The following NFASC variants were observed in gnomAD, a reference collection of about 807,000 sequenced individuals.
NFASC encodes neurofascin homolog.
A neutral mutation model predicts 147.5 loss-of-function variants in NFASC; 43 were observed. The ratio of observed to expected loss-of-function variants is 0.29; its 90% confidence interval spans 0.23 to 0.38. NFASC has a LOEUF of 0.38. NFASC is among the 10% of genes least tolerant of loss of function. NFASC has a pLI of 1.00. For synonymous variants in NFASC, 622 were observed against 665.5 expected (o/e 0.93, Z 1.01); for missense variants, 1,320 against 1,689.0 (o/e 0.78, Z 3.83).
chr1:204,855,035 A>G (rs2076030494), intron 1 of NFASC, among the ~76,000 whole-genome samples: 1 of 152,188 alleles, frequency 6.6e-6, no homozygotes, highest in Non-Finnish European at 1.5e-5. Context: ...CAGCACTGCA[A>G]GGTACTCTTG....
chr1:204,886,201 A>C (rs2081286783), intron 1 of NFASC, among the ~76,000 whole-genome samples: 1 of 152,140 alleles, frequency 6.6e-6, no homozygotes, highest in Admixed American at 6.5e-5. Context: ...GTTCCAAATA[A>C]AGTTTCAAAA....
chr1:204,916,907 T>TA (rs1196990081), intron 1 of NFASC, among the ~76,000 whole-genome samples: 1 of 151,986 alleles, frequency 6.6e-6, no homozygotes, highest in Non-Finnish European at 1.5e-5. Context: ...TCCTCAGGTG[T>TA]AAAATGGGGA....
chr1:204,851,634 A>C (rs2075708607), intron 1 of NFASC, among the ~76,000 whole-genome samples: 1 of 152,076 alleles, frequency 6.6e-6, no homozygotes, highest in Admixed American at 6.6e-5. Flanking sequence ...CACCAGGTCA[A>C]ATCATGCTTT....
chr1:204,856,347 T>C (rs1414829391), intron 1 of NFASC, among the ~76,000 whole-genome samples: 1 of 147,060 alleles, frequency 6.8e-6, no homozygotes, highest in Non-Finnish European at 1.5e-5. Flanking sequence ...TCTGATGGAG[T>C]TGGTCACAAA....
intron 15 of NFASC, among the ~76,000 whole-genome samples, chr1:204,976,229 G>A (rs2150371078): frequency 6.6e-6 from 1 of 152,264 alleles, no homozygotes; most frequent in East Asian, 1.9e-4. Flanking sequence ...ACAGTTCCCA[G>A]GAGCCTGGGG....
chr1:204,916,445 C>T (rs972205578), intron 1 of NFASC, among the ~76,000 whole-genome samples: 6 of 152,240 alleles, frequency 3.9e-5, no homozygotes, highest in African/African-American at 1.2e-4. Flanking sequence ...CCTCAAATCA[C>T]AGCCCTCATT....
chr1:204,963,054 G>C (rs1558270553), intron 8 of NFASC, among the ~76,000 whole-genome samples: 1 of 152,164 alleles, frequency 6.6e-6, no homozygotes, highest in Non-Finnish European at 1.5e-5. Context: ...TGAGGCTGCA[G>C]GTCCTCAAGG....
rs1203232896 is a variant in NFASC, at chr1:205,022,813, T to C, written c.*6274T>C. The C allele has an allele frequency of 6.6e-6, 1 of 152,632 alleles. No homozygotes were observed. The highest frequency in any genetic ancestry group is 1.5e-5 in the Non-Finnish European group (1 of 68,040). The allele number at this position is 152,632 out of a possible 1,614,324, so 9.5% of individuals were successfully genotyped here. ...ACACTAAACGTATAATAAAAGTTGT[T>C]CAAAATGGACTCTTGCCATGTGATT... On this transcript the variant is annotated 3_prime_UTR_variant, in exon 30 of 30. Transcript: ENST00000339876.
At chr1:204,915,376 TA>T (rs1432110776) in intron 1 of NFASC, among the ~76,000 whole-genome samples, 1 of 152,054 alleles carries the variant, frequency 6.6e-6, no homozygotes, top group African/African-American at 2.4e-5. Context: ...AAAAGCAAGG[TA>T]GGGGAAAATA....
rs186678948 is a variant in NFASC at position 204,887,954 on chromosome 1, T to C, written c.-199-32678T>C. On this transcript the variant is annotated intron_variant, in intron 1 of 29. Coordinates refer to ENST00000339876, the MANE Select transcript of NFASC (RefSeq NM_001005388.3). ...GCTGGAAATACAGCTCTGTTCTTAA[T>C]AAATTGGTGGGTAAACAGAGCCTGA... 7.5e-4 allele frequency among the ~76,000 whole-genome samples: 114 copies of C among 152,248 alleles called. 1 individual carries two copies. The highest frequency in any genetic ancestry group is 4.1e-3 in the South Asian group (20 of 4,828).
chr1:204,951,315 A>ATT (rs33974199), intron 4 of NFASC, among the ~76,000 whole-genome samples: 1 of 118,810 alleles, frequency 8.4e-6, no homozygotes, highest in Non-Finnish European at 1.7e-5. Context: ...TGCCCGGCTA[A>ATT]TTTTTTTTTT....
chr1:204,862,070 C>G (rs1190376121), intron 1 of NFASC, among the ~76,000 whole-genome samples: 2 of 152,160 alleles, frequency 1.3e-5, no homozygotes, highest in African/African-American at 4.8e-5. Flanking sequence ...CATATTTGTT[C>G]CTATAATGAA....
chr1:204,851,121 G>A (rs1572033385), intron 1 of NFASC, among the ~76,000 whole-genome samples: 1 of 152,244 alleles, frequency 6.6e-6, no homozygotes, highest in Non-Finnish European at 1.5e-5. Context: ...ACAAAGAAGT[G>A]CATGTAAATC....
At chr1:204,921,075 G>A (rs995178945) in intron 2 of NFASC, among the ~76,000 whole-genome samples, 2 of 152,142 alleles carry the variant, frequency 1.3e-5, no homozygotes, top group South Asian at 2.1e-4. Context: ...ACTTAGTCTC[G>A]GCCTCTACAA....
intron 1 of NFASC, among the ~76,000 whole-genome samples, chr1:204,847,618 G>T (rs921861668): frequency 1.3e-5 from 2 of 152,124 alleles, no homozygotes; most frequent in African/African-American, 4.8e-5. Flanking sequence ...TCACTCATTG[G>T]CTATGCATTT....
intron 2 of NFASC, among the ~76,000 whole-genome samples, chr1:204,931,022 A>G (rs1397216353): frequency 6.6e-6 from 1 of 152,130 alleles, no homozygotes; most frequent in Non-Finnish European, 1.5e-5. Context: ...CTGGATGACA[A>G]ATGTAATAGA....
At chr1:204,945,676 C>T (rs192929699) in intron 3 of NFASC, among the ~76,000 whole-genome samples, 4 of 150,118 alleles carry the variant, frequency 2.7e-5, no homozygotes, top group Non-Finnish European at 4.4e-5. Flanking sequence ...TGCCCACACA[C>T]GTGTGCATGT....
In NFASC at chr1:204,968,355, C is replaced by T. The variant is rs140997318; in HGVS notation, c.813C>T (p.Ser271=). ...GMDLLLECIA[S]GVPTPDIAWY... The stretch of plus-strand genomic sequence containing the variant: ...ACCTCCTGCTGGAATGCATCGCCTC[C>T]GGGGTGTATGTGCGGTTTGCAGCCC... The change falls in exon 9 of 30, where the codon TCC becomes TCT. Residue 271 remains serine, a synonymous_variant. Coordinates refer to ENST00000339876, the MANE Select transcript of NFASC (RefSeq NM_001005388.3). The surrounding 1 kb of genome is among the most constrained non-coding windows in gnomAD (Gnocchi z 5.4). 9.1e-5 allele frequency: 147 copies of T among 1,613,092 alleles called. No individual in the cohort carries two copies. The highest frequency in any genetic ancestry group is 1.1e-4 in the Non-Finnish European group (133 of 1,179,166).
intron 1 of NFASC, among the ~76,000 whole-genome samples, chr1:204,865,594 G>A (rs1193419866): frequency 7.2e-5 from 11 of 152,132 alleles, no homozygotes; most frequent in Admixed American, 6.5e-4. Flanking sequence ...ATAGAAATAT[G>A]GGTTTATTTG....
Sources: gnomAD v4.1 joint callset for allele counts (sites outside exome capture counted in the v4.1 genomes callset) on GRCh38, gnomAD v4.1.1 for gene constraint, Gnocchi (gnomAD v3.1) non-coding constraint, MANE v1.5 for transcripts, NCBI Gene and HGNC (gene_info 2026-07-23, HGNC 2026-07-21) for gene names.